MARCHF5: variants seen among roughly 807,000 people sequenced by gnomAD.
The protein encoded by MARCHF5 is E3 ubiquitin-protein ligase MARCHF5.
In MARCHF5, 5 loss-of-function variants were observed where a neutral mutation model predicts 36.5. That is an observed-to-expected ratio of 0.14 (90% CI 0.07 to 0.29). MARCHF5 has a LOEUF of 0.29. MARCHF5 is among the 10% of genes least tolerant of loss of function. The probability of loss-of-function intolerance (pLI) is 1.00; values close to 1 mark genes in which losing one functional copy is unlikely to be tolerated. For missense variants in MARCHF5, 179 were observed against 336.3 expected (o/e 0.53, Z 3.66); for synonymous variants, 103 against 109.9 (o/e 0.94, Z 0.39).
chr10:92,330,652 TATA>T (rs1471622894), intron 2 of MARCHF5, among the ~76,000 whole-genome samples: 1 of 152,254 alleles, frequency 6.6e-6, no homozygotes, highest in East Asian at 1.9e-4. Flanking sequence ...TCCACTGTCC[TATA>T]ATGTTTAACA....
intron 1 of MARCHF5, among the ~76,000 whole-genome samples, chr10:92,299,376 C>T (rs1019686286): frequency 1.3e-5 from 2 of 152,086 alleles, no homozygotes; most frequent in Non-Finnish European, 2.9e-5. Context: ...ATAATCCAGC[C>T]CCAACCTACC....
chr10:92,339,801 G>A (rs1447189807), intron 2 of MARCHF5, among the ~76,000 whole-genome samples: 1 of 152,074 alleles, frequency 6.6e-6, no homozygotes, highest in Non-Finnish European at 1.5e-5. Context: ...GTGGCAGTCA[G>A]AATACCTCCA....
intron 2 of MARCHF5, among the ~76,000 whole-genome samples, chr10:92,322,738 T>A (rs1843305656): frequency 6.6e-6 from 1 of 150,938 alleles, no homozygotes; most frequent in African/African-American, 2.4e-5. Context: ...AGCCCTTTTT[T>A]TTTTCTTTCT....
At position 92,326,320 on chromosome 10, in the gene MARCHF5, G is replaced by A. The variant is rs531048955; in HGVS notation, c.239-14353G>A. ...TTTGCCTATATTATTTAAACCTCTC[G>A]AAAGCTCTGCATAATAGATATTGTC... On this transcript the variant is annotated intron_variant, in intron 2 of 5. Coordinates refer to ENST00000358935, the MANE Select transcript of MARCHF5 (RefSeq NM_017824.5). Among the ~76,000 whole-genome samples the A allele has an allele frequency of 9.9e-5, 15 of 151,960 alleles. No individual in the cohort carries two copies. The East Asian group carries it at 1.4e-3, about 14-fold the overall frequency.
rs1554945659 is a variant in MARCHF5 at position 92,295,310 on chromosome 10, C to CTTTTTTTTTTT, written c.35+3785_35+3786insTTTTTTTTTTT. Among the ~76,000 whole-genome samples, 2 of 26,242 alleles carry CTTTTTTTTTTT rather than the reference C, an allele frequency of 7.6e-5. 1 individual carries two copies. The highest frequency in any genetic ancestry group is 2.7e-4 in the African/African-American group (2 of 7,446). 17.2% of individuals were successfully genotyped at this position (26,242 alleles called of 152,430 possible). ...TTCAGGGTTTTTAAACTAGAGGCAA[C>CTTTTTTTTTTT]TTTTCTTTTTTTTTTTTTTTTTTTT... On this transcript the variant is annotated intron_variant, in intron 1 of 5. Coordinates refer to ENST00000358935, the MANE Select transcript of MARCHF5 (RefSeq NM_017824.5).
At chr10:92,309,195 T>G (rs948021494) in intron 1 of MARCHF5, among the ~76,000 whole-genome samples, 1 of 152,200 alleles carries the variant, frequency 6.6e-6, no homozygotes, top group African/African-American at 2.4e-5. Flanking sequence ...CACTGAACAG[T>G]TTTTAACTTT....
rs527304008 is a variant in MARCHF5 at position 92,348,011 on chromosome 10, C to T, written c.370-1338C>T. 7.1e-3 allele frequency among the ~76,000 whole-genome samples: 1,079 copies of T among 151,368 alleles called. 9 individuals carry two copies. The highest frequency in any genetic ancestry group is 0.012 in the Non-Finnish European group (785 of 67,866). ...CAGCCTGACCAATGTGGAGAAACCC[C>T]GTCTCTACTAAAAATACAAAAATTA... is the stretch of plus-strand genomic sequence containing the variant. On this transcript the variant is annotated intron_variant, in intron 3 of 5. Transcript: ENST00000358935.
intron 1 of MARCHF5, among the ~76,000 whole-genome samples, chr10:92,305,202 A>T (rs573040277): frequency 2.6e-5 from 4 of 152,212 alleles, no homozygotes; most frequent in African/African-American, 9.6e-5. Flanking sequence ...AGGTCAGGAG[A>T]TGGAGACCAT....
chr10:92,305,646 CAG>C (rs1843066472), intron 1 of MARCHF5, among the ~76,000 whole-genome samples: 1 of 152,106 alleles, frequency 6.6e-6, no homozygotes, highest in Non-Finnish European at 1.5e-5. Flanking sequence ...CTGAGAGAGT[CAG>C]AGGATTGGAG....
chr10:92,316,729 AT>A (rs140506313), intron 2 of MARCHF5, among the ~76,000 whole-genome samples: 63 of 149,836 alleles, frequency 4.2e-4, no homozygotes, highest in Middle Eastern at 3.5e-3. Flanking sequence ...CACCCAGCTA[AT>A]TTTTTTTTTC....
chr10:92,340,576 T>TG, intron 2 of MARCHF5, 97 bp from the exon 3 acceptor site: 2 of 1,165,808 alleles, frequency 1.7e-6, no homozygotes, highest in Non-Finnish European at 2.4e-6. Flanking sequence ...TGTGTCTTGT[T>TG]GGGGGGAAGG....
At chr10:92,310,992 T>A in intron 1 of MARCHF5, 143 bp from the exon 2 acceptor site, 1 of 617,652 alleles carries the variant, frequency 1.6e-6, no homozygotes, top group East Asian at 2.8e-5. Context: ...GTATTGGTTG[T>A]TTTGTCTCCT....
chr10:92,293,524 A>C (rs1842916262), intron 1 of MARCHF5, among the ~76,000 whole-genome samples: 1 of 151,544 alleles, frequency 6.6e-6, no homozygotes. Flanking sequence ...TAATCCCAGC[A>C]CTTTGGGAGG....
At chr10:92,331,922 TATATATGTATATATAATCG>T (rs1843441037) in intron 2 of MARCHF5, among the ~76,000 whole-genome samples, 12 of 144,376 alleles carry the variant, frequency 8.3e-5, no homozygotes, top group Non-Finnish European at 1.5e-4. Flanking sequence ...TATATAATCA[TATATATGTATATATAATCG>T]TATATATATG....
At chr10:92,340,529 G>A (rs1355370150) in intron 2 of MARCHF5, 144 bp from the exon 3 acceptor site, 2 of 667,594 alleles carry the variant, frequency 3.0e-6, no homozygotes, top group Non-Finnish European at 4.8e-6. Context: ...CTATGATCAT[G>A]CCACTGCACT....
chr10:92,299,925 G>A (rs1259873628), intron 1 of MARCHF5, among the ~76,000 whole-genome samples: 1 of 152,046 alleles, frequency 6.6e-6, no homozygotes, highest in Non-Finnish European at 1.5e-5. Flanking sequence ...ACTTTGGGAG[G>A]CTGAGGCAGG....
intron 2 of MARCHF5, among the ~76,000 whole-genome samples, chr10:92,314,556 C>T (rs1843184373): frequency 6.6e-6 from 1 of 151,998 alleles, no homozygotes; most frequent in Non-Finnish European, 1.5e-5. Flanking sequence ...GTAGGACAAT[C>T]ACGTGAACCT....
At chr10:92,318,031 G>C (rs1236394238) in intron 2 of MARCHF5, among the ~76,000 whole-genome samples, 1 of 152,096 alleles carries the variant, frequency 6.6e-6, no homozygotes, top group Non-Finnish European at 1.5e-5. Context: ...GATTACAGGT[G>C]TGAGCCACCA....
chr10:92,342,289 C>T (rs1336769730), intron 3 of MARCHF5, among the ~76,000 whole-genome samples: 1 of 152,012 alleles, frequency 6.6e-6, no homozygotes, highest in African/African-American at 2.4e-5. Flanking sequence ...GCTGGGACTA[C>T]AGGCACACAC....
Sources: gnomAD v4.1 joint callset for allele counts (sites outside exome capture counted in the v4.1 genomes callset) on GRCh38, gnomAD v4.1.1 for gene constraint, MANE v1.5 for transcripts, NCBI Gene and HGNC (gene_info 2026-07-23, HGNC 2026-07-21) for gene names.